The following NBEA variants were observed in gnomAD, a reference collection of about 807,000 sequenced individuals.
The protein encoded by NBEA is lysosomal-trafficking regulator 2.
Under a neutral mutation model 343.4 loss-of-function variants are expected in NBEA, and 44 were observed. The ratio of observed to expected loss-of-function variants is 0.13; its 90% CI spans 0.10 to 0.16. The LOEUF (loss-of-function observed/expected upper bound fraction) is 0.16, where lower values mean the gene tolerates loss of function less well. Among genes scored for constraint, NBEA ranks in the 10% least tolerant of loss-of-function variants. NBEA has a pLI of 1.00. For synonymous variants in NBEA, 1,175 were observed against 1,238.7 expected, an observed-to-expected ratio of 0.95 and a Z score of 1.08; for missense variants, 2,555 against 3,631.3, an observed-to-expected ratio of 0.70 and a Z score of 7.62.
intron 38 of NBEA, among the ~76,000 whole-genome samples, chr13:35,373,654 G>T (rs2041573214): frequency 6.6e-6 from 1 of 151,838 alleles, no homozygotes; most frequent in African/African-American, 2.4e-5. Context: ...GCAGTGAGAT[G>T]TGATGGCGCC....
intron 28 of NBEA, among the ~76,000 whole-genome samples, chr13:35,181,667 A>G (rs1326227451): frequency 1.3e-5 from 2 of 151,614 alleles, no homozygotes; most frequent in Non-Finnish European, 3.0e-5. Context: ...AGTTTAATTA[A>G]GTCCTGCCTA....
intron 10 of NBEA, among the ~76,000 whole-genome samples, chr13:35,071,216 G>T (rs2152574604): frequency 6.6e-6 from 1 of 151,728 alleles, no homozygotes; most frequent in East Asian, 1.9e-4. Flanking sequence ...AATTACTAGG[G>T]TAAAGTTATT....
intron 39 of NBEA, among the ~76,000 whole-genome samples, chr13:35,435,158 C>T (rs2045353746): frequency 6.6e-6 from 1 of 151,972 alleles, no homozygotes; most frequent in Non-Finnish European, 1.5e-5. Flanking sequence ...TTACAGGCGC[C>T]TGCCACCACA....
intron 38 of NBEA, among the ~76,000 whole-genome samples, chr13:35,427,682 C>G (rs2044789718): frequency 6.6e-6 from 1 of 152,212 alleles, no homozygotes; most frequent in Non-Finnish European, 1.5e-5. Context: ...ACATTTAAGT[C>G]TGCAGAGGTT....
intron 17 of NBEA, among the ~76,000 whole-genome samples, chr13:35,130,373 AT>A (rs2067351286): frequency 6.6e-6 from 1 of 152,194 alleles, no homozygotes; most frequent in South Asian, 2.1e-4. Context: ...TATGTCATAT[AT>A]TTTTAACTAG....
intron 49 of NBEA, among the ~76,000 whole-genome samples, chr13:35,632,658 G>A (rs954906146): frequency 4.0e-5 from 6 of 151,880 alleles, no homozygotes; most frequent in Non-Finnish European, 7.4e-5. Flanking sequence ...CAAGGCTGAA[G>A]TGCAGCGGCT....
intron 33 of NBEA, among the ~76,000 whole-genome samples, chr13:35,220,461 A>T (rs2152760932): frequency 6.6e-6 from 1 of 152,318 alleles, no homozygotes. Context: ...CGATGTTTGA[A>T]AGGATATTTT....
intron 2 of NBEA, among the ~76,000 whole-genome samples, chr13:35,041,511 T>G (rs532519175): frequency 2.0e-5 from 3 of 152,124 alleles, no homozygotes; most frequent in African/African-American, 7.2e-5. Flanking sequence ...GTATTACAGT[T>G]CTGTATAATG....
chr13:35,289,549 T>C (rs998313491), intron 34 of NBEA, among the ~76,000 whole-genome samples: 8 of 151,874 alleles, frequency 5.3e-5, no homozygotes, highest in African/African-American at 1.9e-4. Context: ...TACTTTTAAT[T>C]GGAAAAAATC....
At chr13:35,082,635 T>C (rs140033203) in intron 10 of NBEA, among the ~76,000 whole-genome samples, 6,961 of 152,292 alleles carry the variant, frequency 0.046, 239 homozygotes, top group Non-Finnish European at 0.067. Flanking sequence ...TGGTGTCTCA[T>C]TGTGGTTTTG....
intron 55 of NBEA, among the ~76,000 whole-genome samples, chr13:35,664,531 C>T (rs921241262): frequency 6.6e-6 from 1 of 152,182 alleles, no homozygotes; most frequent in African/African-American, 2.4e-5. Context: ...TCTCTAAGTC[C>T]TTCAATTTAT....
chr13:35,637,888 A>T (rs2083767683), intron 49 of NBEA, among the ~76,000 whole-genome samples: 1 of 152,146 alleles, frequency 6.6e-6, no homozygotes. Flanking sequence ...GGATAAACAA[A>T]ATGTGGGGTG....
chr13:35,526,472 C>T (rs2077980817), intron 41 of NBEA, among the ~76,000 whole-genome samples: 1 of 152,150 alleles, frequency 6.6e-6, no homozygotes, highest in South Asian at 2.1e-4. Flanking sequence ...ATGGTGAAAA[C>T]CCGTCTCTAC....
In NBEA at chr13:35,587,577, G is replaced by C. The variant is rs138548036; in HGVS notation, c.7176+3539G>C. ...AACTGGGTTGTTTGGAGAATTAAAT[G>C]AGAGTATATATATGATAGTATTTTG... On this transcript the variant is annotated intron_variant, in intron 46 of 58. Coordinates refer to ENST00000379939, the MANE Select transcript of NBEA (RefSeq NM_001385012.1). Among the ~76,000 whole-genome samples the C allele has an allele frequency of 2.0e-3, 307 of 152,224 alleles. 1 individual carries two copies. Among genetic ancestry groups the C allele is most frequent in the African/African-American group, 7.1e-3 (295 of 41,550 alleles).
intron 36 of NBEA, among the ~76,000 whole-genome samples, chr13:35,321,283 C>T (rs1240323840): frequency 6.6e-6 from 1 of 152,012 alleles, no homozygotes; most frequent in Non-Finnish European, 1.5e-5. Flanking sequence ...TTTGAGTGGG[C>T]GTCCTTTTTG....
At chr13:35,423,716 A>G (rs1460834609) in intron 38 of NBEA, among the ~76,000 whole-genome samples, 2 of 152,122 alleles carry the variant, frequency 1.3e-5, no homozygotes, top group Non-Finnish European at 2.9e-5. Context: ...TGGGGATGGC[A>G]TTGAATCTAT....
chr13:35,142,920 T>C (rs2068174950), intron 18 of NBEA, among the ~76,000 whole-genome samples: 1 of 152,334 alleles, frequency 6.6e-6, no homozygotes, highest in Middle Eastern at 3.4e-3. Flanking sequence ...TTCTAGGAAA[T>C]AGGTATACTA....
intron 38 of NBEA, among the ~76,000 whole-genome samples, chr13:35,417,744 A>G (rs1333786561): frequency 6.6e-6 from 1 of 152,120 alleles, no homozygotes; most frequent in African/African-American, 2.4e-5. Context: ...GTAGATGTCT[A>G]TTAGGTCCTC....
intron 31 of NBEA, among the ~76,000 whole-genome samples, chr13:35,197,691 C>CGG (rs1443465066): frequency 1.3e-5 from 2 of 151,954 alleles, no homozygotes; most frequent in African/African-American, 4.8e-5. Flanking sequence ...TTAGTAGAGA[C>CGG]GGGGTTTCAA....
Sources: allele counts gnomAD v4.1 joint callset (sites outside exome capture counted in the v4.1 genomes callset), GRCh38; gene constraint gnomAD v4.1.1; transcripts MANE v1.5; gene names NCBI Gene and HGNC (gene_info 2026-07-23, HGNC 2026-07-21).